PYY: variants seen among roughly 807,000 people sequenced by gnomAD.
PYY encodes the protein peptide tyrosine tyrosine.
PYY carries 12 observed loss-of-function variants against 10.3 expected under a neutral mutation model. The observed-to-expected ratio is 1.17, with a 90% CI of 0.75 to 1.89. PYY has a LOEUF of 1.89. Ranked by LOEUF, PYY falls within the 40% of genes most tolerant of loss-of-function variation. The probability of loss-of-function intolerance (pLI) is 0.00; values close to 1 mark genes in which losing one functional copy is unlikely to be tolerated. For missense variants in PYY, 141 were observed against 134.0 expected (o/e 1.05, Z -0.26); for synonymous variants, 66 against 62.0 (o/e 1.06, Z -0.30).
At chr17:44,002,200 G>T (rs778019816) in intron 1 of PYY, among the ~76,000 whole-genome samples, 19 of 152,138 alleles carry the variant, frequency 1.2e-4, no homozygotes, top group Non-Finnish European at 1.8e-4. Context: ...TCTCCCCCCC[G>T]GGACAGTGTG....
At chr17:43,985,813 T>C (rs2048912194) in intron 1 of PYY, among the ~76,000 whole-genome samples, 1 of 152,186 alleles carries the variant, frequency 6.6e-6, no homozygotes, top group South Asian at 2.1e-4. Flanking sequence ...AAATCATGTT[T>C]TGGAAAAATG....
chr17:43,982,649 T>C (rs2048891099), intron 1 of PYY, among the ~76,000 whole-genome samples: 1 of 152,216 alleles, frequency 6.6e-6, no homozygotes, highest in Non-Finnish European at 1.5e-5. Flanking sequence ...CAGTCGTGAC[T>C]GGACAGAACC....
chr17:43,977,386 G>A (rs917338849), intron 1 of PYY, among the ~76,000 whole-genome samples: 1 of 152,046 alleles, frequency 6.6e-6, no homozygotes, highest in Non-Finnish European at 1.5e-5. Flanking sequence ...CTCCCAGGGA[G>A]AACAAGGCCC....
At chr17:43,997,011 T>C (rs889157511) in intron 1 of PYY, among the ~76,000 whole-genome samples, 1 of 151,184 alleles carries the variant, frequency 6.6e-6, no homozygotes, top group African/African-American at 2.4e-5. Context: ...GTTTCTTTTT[T>C]TGGGGTGATG....
At chr17:43,997,364 G>A (rs528222559) in intron 1 of PYY, among the ~76,000 whole-genome samples, 1 of 152,084 alleles carries the variant, frequency 6.6e-6, no homozygotes, top group Non-Finnish European at 1.5e-5. Flanking sequence ...AAACAGGGTG[G>A]TAACACTTGA....
chr17:43,978,308 AGGAAGGAAGGAAG>A (rs1034729004), intron 1 of PYY, among the ~76,000 whole-genome samples: 2 of 111,116 alleles, frequency 1.8e-5, no homozygotes, highest in Non-Finnish European at 4.5e-5. Context: ...GATGGAAGGA[AGGAAGGAAGGAAG>A]GGAAGGGAAG....
chr17:43,975,648 A>G (rs1241284339), intron 1 of PYY, among the ~76,000 whole-genome samples: 3 of 150,546 alleles, frequency 2.0e-5, no homozygotes, highest in African/African-American at 7.3e-5. Flanking sequence ...GAGCCCAGAA[A>G]GTCAAGGCTG....
chr17:43,960,849 CAA>C (rs754256255), intron 2 of PYY, among the ~76,000 whole-genome samples: 1 of 127,290 alleles, frequency 7.9e-6, no homozygotes. Flanking sequence ...GACTCCGTCG[CAA>C]AAAAAAAAAA....
chr17:43,983,350 G>C (rs1176127758), intron 1 of PYY, among the ~76,000 whole-genome samples: 1 of 152,220 alleles, frequency 6.6e-6, no homozygotes, highest in Non-Finnish European at 1.5e-5. Flanking sequence ...AAGCAGTAAA[G>C]GGGTGCTGGG....
intron 2 of PYY, among the ~76,000 whole-genome samples, chr17:43,964,870 C>T (rs1400786416): frequency 6.6e-6 from 1 of 152,074 alleles, no homozygotes; most frequent in Admixed American, 6.6e-5. Context: ...TATTCTGAGA[C>T]GTCTGTGTAA....
chr17:43,956,947 C>G (rs1175842341), upstream of PYY, among the ~76,000 whole-genome samples: 1 of 152,084 alleles, frequency 6.6e-6, no homozygotes, highest in Non-Finnish European at 1.5e-5. Context: ...CGCCTGTAAT[C>G]CCAGCACTTT....
chr17:43,975,715 GAAAA>G lies in PYY; in HGVS notation c.-462-9187_-462-9184del, dbSNP rs1173879627. Among the ~76,000 whole-genome samples the G allele has an allele frequency of 9.8e-4, 66 of 67,686 alleles. 4 individuals carry two copies. Among genetic ancestry groups the G allele is most frequent in the African/African-American group, 4.0e-3 (56 of 13,850 alleles). The allele number at this position is 67,686 out of a possible 152,430, so 44.4% of individuals were successfully genotyped here. ...GCCTGGGTGACAGGAGTAAGACCCT[GAAAA>G]AAAAAAATATATATATATATATATA... On this transcript the variant is annotated intron_variant, in intron 1 of 6. Coordinates refer to the PYY transcript ENST00000360085.
intron 2 of PYY, among the ~76,000 whole-genome samples, chr17:43,960,484 A>C (rs1196038253): frequency 7.4e-6 from 1 of 134,458 alleles, no homozygotes. Context: ...CGGAGGTTGC[A>C]ATGAACTGAG....
chr17:43,961,033 C>T (rs2048709212), intron 2 of PYY, among the ~76,000 whole-genome samples: 1 of 151,774 alleles, frequency 6.6e-6, no homozygotes, highest in Non-Finnish European at 1.5e-5. Context: ...CCAGCCTGGG[C>T]AACATAACAG....
At chr17:43,981,557 T>C (rs768141353) in intron 1 of PYY, among the ~76,000 whole-genome samples, 8 of 152,236 alleles carry the variant, frequency 5.3e-5, no homozygotes, top group Non-Finnish European at 7.4e-5. Flanking sequence ...TGGCGTGATC[T>C]CAGCTCACTG....
intron 1 of PYY, among the ~76,000 whole-genome samples, chr17:43,985,982 C>T (rs1006971221): frequency 2.6e-5 from 4 of 152,072 alleles, no homozygotes; most frequent in East Asian, 1.9e-4. Flanking sequence ...GTTGGCCAGG[C>T]GCGGTGGCTC....
chr17:44,000,048 CTG>C (rs1395350573), intron 1 of PYY, among the ~76,000 whole-genome samples: 4 of 152,256 alleles, frequency 2.6e-5, no homozygotes, highest in African/African-American at 9.6e-5. Context: ...AAGCCTCACT[CTG>C]TTGCCCACGT....
At chr17:43,997,938 T>TTTTTTG (rs1463292310) in intron 1 of PYY, among the ~76,000 whole-genome samples, 1 of 151,902 alleles carries the variant, frequency 6.6e-6, no homozygotes, top group African/African-American at 2.4e-5. Context: ...ATAGATTGGT[T>TTTTTTG]TTTTTGTTTT....
At chr17:43,958,148 A>AAAAAAAAAAG (rs2048687966), upstream of PYY, 2 of 149,664 alleles carry the variant, frequency 1.3e-5, no homozygotes. Context: ...AAAAAAAAAA[A>AAAAAAAAAAG]AAAAAAAAAG....
Sources: allele counts gnomAD v4.1 joint callset (sites outside exome capture counted in the v4.1 genomes callset), GRCh38; gene constraint gnomAD v4.1.1; transcripts MANE v1.5; gene names NCBI Gene and HGNC (gene_info 2026-07-23, HGNC 2026-07-21).